MYT1L: variants seen among roughly 807,000 people sequenced by gnomAD.
MYT1L encodes myelin transcription factor 1-like protein.
In MYT1L, 12 loss-of-function variants were observed where a neutral mutation model predicts 126.7. The observed-to-expected ratio is 0.09, with a 90% confidence interval of 0.06 to 0.15. MYT1L has a LOEUF of 0.15. Among genes scored for constraint, MYT1L ranks in the 10% least tolerant of loss-of-function variants. MYT1L has a pLI of 1.00. For synonymous variants in MYT1L, 541 were observed against 604.2 expected, an observed-to-expected ratio of 0.90 and a Z score of 1.53; for missense variants, 979 against 1,585.2, an observed-to-expected ratio of 0.62 and a Z score of 6.49.
chr2:2,291,607 C>G (rs954917969), intron 1 of MYT1L, among the ~76,000 whole-genome samples: 1 of 152,224 alleles, frequency 6.6e-6, no homozygotes, highest in Non-Finnish European at 1.5e-5. Flanking sequence ...CCGCTCAGTT[C>G]TAAGGAGACG....
intron 8 of MYT1L, among the ~76,000 whole-genome samples, chr2:1,952,399 T>C (rs957505307): frequency 6.6e-6 from 1 of 152,156 alleles, no homozygotes; most frequent in African/African-American, 2.4e-5. Context: ...TAAAGGTACC[T>C]CTCGGGCTTT....
intron 2 of MYT1L, among the ~76,000 whole-genome samples, chr2:2,234,265 T>C (rs547317222): frequency 1.1e-4 from 17 of 152,310 alleles, no homozygotes; most frequent in African/African-American, 4.1e-4. Flanking sequence ...TTAGATGAGC[T>C]TATAATTTCA....
intron 8 of MYT1L, among the ~76,000 whole-genome samples, chr2:1,971,385 A>G (rs1196811501): frequency 1.3e-5 from 2 of 152,214 alleles, no homozygotes; most frequent in Non-Finnish European, 2.9e-5. Flanking sequence ...TTCATTTTGT[A>G]CACAGAAGAC....
chr2:1,922,177 G>A lies in MYT1L; in HGVS notation c.1483+109C>T. 2.2e-6 allele frequency: 3 copies of A among 1,374,786 alleles called. No individual in the cohort carries two copies. Among genetic ancestry groups the A allele is most frequent in the Non-Finnish European group, 9.8e-7 (1 of 1,015,310 alleles). The allele number at this position is 1,374,786 out of a possible 1,614,324, so 85.2% of individuals were successfully genotyped here. On this transcript the variant is annotated intron_variant, in intron 10 of 24. Transcript: ENST00000647738. The surrounding 1 kb of genome is among the most constrained non-coding windows in gnomAD (Gnocchi z 7.4). ...CTGGAATCAACTCTAAGAATGTGCA[G>A]TAGAGACATAATTCAGTGTGAGTCA...
rs373152915 is a variant in MYT1L, at chr2:2,073,771, G to A, written c.-303-19648C>T. On this transcript the variant is annotated intron_variant, in intron 3 of 24. Coordinates refer to ENST00000647738, the MANE Select transcript of MYT1L (RefSeq NM_001303052.2). ...TCCACGTTTGACTTCCTCTTGGAGC[G>A]TTCTTTCTCCCTCCCACTATCGGAC... Among the ~76,000 whole-genome samples the A allele has an allele frequency of 7.2e-5, 11 of 152,236 alleles. No homozygotes were observed. In the East Asian group the frequency reaches 1.7e-3, roughly 24 times the overall value.
At chr2:2,132,625 C>T (rs956504054) in intron 3 of MYT1L, among the ~76,000 whole-genome samples, 2 of 151,998 alleles carry the variant, frequency 1.3e-5, no homozygotes, top group African/African-American at 2.4e-5. Flanking sequence ...CCAATGCATG[C>T]GGGGCTTAAA....
At chr2:2,094,802 T>A (rs1162669112) in intron 3 of MYT1L, among the ~76,000 whole-genome samples, 1 of 151,866 alleles carries the variant, frequency 6.6e-6, no homozygotes, top group Non-Finnish European at 1.5e-5. Context: ...GCGATAGCAT[T>A]AGGAGATATA....
intron 3 of MYT1L, among the ~76,000 whole-genome samples, chr2:2,148,014 G>A (rs1478959066): frequency 6.6e-6 from 1 of 152,216 alleles, no homozygotes. Flanking sequence ...TGCTGTTGGA[G>A]GAGATTGGCG....
rs1169835743 is a variant in MYT1L, at chr2:2,331,057, C to T, written c.-611G>A. On this transcript the variant is annotated 5_prime_UTR_variant, in exon 1 of 25. Coordinates refer to ENST00000647738, the MANE Select transcript of MYT1L (RefSeq NM_001303052.2). ...AAATACACAGACAGGGAAGAAAACCCTGTTCCACCACAAGTTTGAAAGGAT... is the reference window on the plus strand; with the variant it reads ...AAATACACAGACAGGGAAGAAAACCTTGTTCCACCACAAGTTTGAAAGGAT... 6.6e-6 allele frequency: 1 copy of T among 152,128 alleles called. No homozygotes were observed. The highest frequency in any genetic ancestry group is 1.5e-5 in the Non-Finnish European group (1 of 68,032). The allele number at this position is 152,128 out of a possible 1,614,324, so 9.4% of individuals were successfully genotyped here. A position where few individuals can be genotyped will look rare whatever the true frequency, so the allele number is the denominator to read the frequency against.
rs1211351589 is a variant in MYT1L at position 1,910,807 on chromosome 2, T to C, written c.1710-460A>G. On this transcript the variant is annotated intron_variant, in intron 12 of 24. Transcript: ENST00000647738. This position sits in a 1 kb window ranked among gnomAD's most constrained non-coding sequence, Gnocchi z 4.8. Reference sequence around the variant, plus strand: ...TATTGACTGTGGCGTCTGGGGGGCCTGTCTGACTTTAGCCCTTTGGTGTTC... The same window carrying C: ...TATTGACTGTGGCGTCTGGGGGGCCCGTCTGACTTTAGCCCTTTGGTGTTC... Among the ~76,000 whole-genome samples the C allele has an allele frequency of 6.6e-6, 1 of 152,170 alleles. No individual in the cohort carries two copies. The highest frequency in any genetic ancestry group is 2.1e-4 in the South Asian group (1 of 4,822).
intron 20 of MYT1L, among the ~76,000 whole-genome samples, chr2:1,839,721 C>T (rs1457496327): frequency 6.6e-6 from 1 of 152,206 alleles, no homozygotes; most frequent in Non-Finnish European, 1.5e-5. Flanking sequence ...TGGGACAGAA[C>T]CATGGCTTTT....
At chr2:1,892,786 T>A (rs1045421315) in intron 14 of MYT1L, among the ~76,000 whole-genome samples, 1 of 152,126 alleles carries the variant, frequency 6.6e-6, no homozygotes, top group African/African-American at 2.4e-5. Context: ...TGTCAAGAGG[T>A]GGGCTGTTCC....
intron 9 of MYT1L, among the ~76,000 whole-genome samples, chr2:1,927,794 A>C (rs1212830383): frequency 6.6e-6 from 1 of 152,198 alleles, no homozygotes; most frequent in African/African-American, 2.4e-5. Flanking sequence ...GGCTTTACAG[A>C]GGTGGTGTTT....
At chr2:2,031,847 C>A (rs552374357) in intron 4 of MYT1L, among the ~76,000 whole-genome samples, 1 of 135,922 alleles carries the variant, frequency 7.4e-6, no homozygotes, top group Non-Finnish European at 1.6e-5. Context: ...CACCCCTCGC[C>A]AGTGCCTCTC....
intron 23 of MYT1L, among the ~76,000 whole-genome samples, chr2:1,794,081 G>A (rs939929428): frequency 2.0e-5 from 3 of 152,138 alleles, no homozygotes; most frequent in Admixed American, 6.5e-5. Flanking sequence ...CCCAGGTCCC[G>A]AGGTTTTTAA....
chr2:1,982,882 G>A (rs1481051882), intron 5 of MYT1L, among the ~76,000 whole-genome samples: 2 of 152,196 alleles, frequency 1.3e-5, no homozygotes, highest in Non-Finnish European at 2.9e-5. Context: ...GTGAGCAGAA[G>A]TGCAGTAAAG....
At chr2:2,288,296 C>G (rs180778554) in intron 1 of MYT1L, among the ~76,000 whole-genome samples, 14 of 152,294 alleles carry the variant, frequency 9.2e-5, no homozygotes, top group Middle Eastern at 6.8e-3. Context: ...CCCTGATCAT[C>G]TAATTTCTCA....
intron 2 of MYT1L, among the ~76,000 whole-genome samples, chr2:2,265,048 A>G (rs952342849): frequency 2.0e-5 from 3 of 148,508 alleles, no homozygotes; most frequent in African/African-American, 5.0e-5. Flanking sequence ...TTTTTTTGAG[A>G]TGGAGTTTTG....
intron 19 of MYT1L, among the ~76,000 whole-genome samples, chr2:1,850,182 C>CCTT: frequency 1.3e-5 from 1 of 76,372 alleles, no homozygotes; most frequent in East Asian, 3.6e-4. Context: ...CTCCCCCTCC[C>CCTT]CCTTCCTTCC....
Sources: allele counts gnomAD v4.1 joint callset (sites outside exome capture counted in the v4.1 genomes callset), GRCh38; gene constraint gnomAD v4.1.1; non-coding constraint Gnocchi (gnomAD v3.1); transcripts MANE v1.5; gene names NCBI Gene and HGNC (gene_info 2026-07-23, HGNC 2026-07-21).